HDAC9: variants seen among roughly 807,000 people sequenced by gnomAD.
HDAC9 encodes histone deacetylase 9, also known as MEF-2 interacting transcription repressor (MITR) protein.
In HDAC9, 41 loss-of-function variants were observed where a neutral mutation model predicts 139.4. That is an observed-to-expected ratio of 0.29 (90% CI 0.23 to 0.38). The LOEUF is 0.38. Among genes scored for constraint, HDAC9 ranks in the 10% least tolerant of loss-of-function variants. The probability of loss-of-function intolerance (pLI) is 1.00; values close to 1 mark genes in which losing one functional copy is unlikely to be tolerated. For missense variants in HDAC9, 1,147 were observed against 1,297.0 expected, an observed-to-expected ratio of 0.88 and a Z score of 1.78; for synonymous variants, 517 against 476.2, an observed-to-expected ratio of 1.09 and a Z score of -1.12.
At chr7:18,381,138 G>T (rs1475225913) in intron 1 of HDAC9, among the ~76,000 whole-genome samples, 1 of 127,618 alleles carries the variant, frequency 7.8e-6, no homozygotes, top group African/African-American at 3.0e-5. Context: ...GGCAGCGGTT[G>T]CAATGAGCTG....
chr7:18,598,291 G>T (rs1476948211), intron 6 of HDAC9, among the ~76,000 whole-genome samples: 2 of 152,096 alleles, frequency 1.3e-5, no homozygotes, highest in African/African-American at 4.8e-5. Context: ...ACGAACACTG[G>T]AGCATTTTTA....
At chr7:18,809,826 T>C (rs1794033385) in intron 17 of HDAC9, among the ~76,000 whole-genome samples, 3 of 151,876 alleles carry the variant, frequency 2.0e-5, no homozygotes. Context: ...CCACAAAATA[T>C]TAAAAATAGA....
intron 1 of HDAC9, among the ~76,000 whole-genome samples, chr7:18,291,313 C>T (rs1380270770): frequency 6.6e-6 from 1 of 152,100 alleles, no homozygotes; most frequent in Non-Finnish European, 1.5e-5. Flanking sequence ...GATATTAAGA[C>T]TGTAGTCTCT....
chr7:18,839,220 G>A (rs2129213591), intron 21 of HDAC9, among the ~76,000 whole-genome samples: 1 of 152,012 alleles, frequency 6.6e-6, no homozygotes, highest in East Asian at 1.9e-4. Context: ...TACATGCCAG[G>A]TCCTAGATTA....
intron 16 of HDAC9, among the ~76,000 whole-genome samples, chr7:18,783,563 G>C (rs1791433833): frequency 6.6e-6 from 1 of 152,004 alleles, no homozygotes; most frequent in Non-Finnish European, 1.5e-5. Flanking sequence ...AAGAGTTAGA[G>C]GACTTCTATT....
At chr7:18,121,359 G>A (rs913502276) in intron 1 of HDAC9, among the ~76,000 whole-genome samples, 7 of 151,860 alleles carry the variant, frequency 4.6e-5, no homozygotes, top group African/African-American at 7.3e-5. Flanking sequence ...ACAGGGTGTC[G>A]GGTTTTGTTC....
At chr7:18,231,976 G>T (rs413369) in intron 2 of HDAC9, among the ~76,000 whole-genome samples, 15,710 of 152,158 alleles carry the variant, frequency 0.1, 1,806 homozygotes, top group African/African-American at 0.28. Flanking sequence ...AGTTAACATT[G>T]TTGTAATATT....
Position 18,349,436 on chromosome 7 carries a change from A to AT in HDAC9, c.-42+58922dup, listed in dbSNP as rs555938429. Among the ~76,000 whole-genome samples, 16 of 151,822 alleles carry AT rather than the reference A, an allele frequency of 1.1e-4. 1 individual carries two copies. In the East Asian group the frequency reaches 3.1e-3, roughly 29 times the overall value. On this transcript the variant is annotated intron_variant, in intron 1 of 3. Transcript: ENST00000413509. The stretch of plus-strand genomic sequence containing the variant: ...TCAACAGCTAACATCTTAACATCTA[A>AT]TATAGTTTTCTTTATTTTTTCTTTC...
At chr7:18,346,456 C>A (rs969812535) in intron 1 of HDAC9, among the ~76,000 whole-genome samples, 1 of 151,974 alleles carries the variant, frequency 6.6e-6, no homozygotes, top group African/African-American at 2.4e-5. Flanking sequence ...ATGTCACAAC[C>A]GCTATTAACA....
intron 2 of HDAC9, among the ~76,000 whole-genome samples, chr7:18,541,464 T>C (rs552453588): frequency 1.2e-4 from 18 of 152,294 alleles, no homozygotes; most frequent in African/African-American, 3.4e-4. Context: ...ATGACTCTAA[T>C]TGGGGCTCAA....
chr7:18,257,057 C>A (rs1658809391), intron 2 of HDAC9, among the ~76,000 whole-genome samples: 1 of 151,868 alleles, frequency 6.6e-6, no homozygotes, highest in Non-Finnish European at 1.5e-5. Context: ...CCACTGCACA[C>A]CAGCCTGGGT....
intron 2 of HDAC9, among the ~76,000 whole-genome samples, chr7:18,166,768 A>G (rs956403486): frequency 1.3e-5 from 2 of 152,186 alleles, no homozygotes; most frequent in African/African-American, 2.4e-5. Flanking sequence ...ACTCCAGTGC[A>G]TTACCCACAG....
chr7:18,448,141 G>C (rs113112099), intron 1 of HDAC9, among the ~76,000 whole-genome samples: 1 of 152,032 alleles, frequency 6.6e-6, no homozygotes, highest in Non-Finnish European at 1.5e-5. Context: ...CTGAGATTAC[G>C]CGCGTGAGCC....
At chr7:18,863,141 T>C (rs1321536987) in intron 21 of HDAC9, among the ~76,000 whole-genome samples, 1 of 152,092 alleles carries the variant, frequency 6.6e-6, no homozygotes, top group Non-Finnish European at 1.5e-5. Flanking sequence ...ACAGTAGAAA[T>C]GGGAATGGCC....
At chr7:18,242,710 G>A (rs950543761) in intron 2 of HDAC9, among the ~76,000 whole-genome samples, 4 of 151,848 alleles carry the variant, frequency 2.6e-5, no homozygotes, top group Admixed American at 2.0e-4. Context: ...TCCCTTTTCT[G>A]CCTTCTACTT....
At chr7:18,376,902 A>G in intron 1 of HDAC9, among the ~76,000 whole-genome samples, 1 of 152,170 alleles carries the variant, frequency 6.6e-6, no homozygotes, top group Non-Finnish European at 1.5e-5. Context: ...CTTAGGTGCT[A>G]TACCATCCAG....
chr7:18,592,076 C>G (rs1255860921), intron 5 of HDAC9, among the ~76,000 whole-genome samples: 1 of 151,910 alleles, frequency 6.6e-6, no homozygotes, highest in African/African-American at 2.4e-5. Context: ...TTACACTTGA[C>G]TTGGTGTAAG....
intron 17 of HDAC9, among the ~76,000 whole-genome samples, chr7:18,805,828 A>AT (rs1793659921): frequency 1.3e-5 from 2 of 152,156 alleles, no homozygotes; most frequent in East Asian, 1.9e-4. Flanking sequence ...AGTCTTTATG[A>AT]TTTTTCCTTC....
intron 1 of HDAC9, among the ~76,000 whole-genome samples, chr7:18,336,183 T>C (rs1781569922): frequency 6.6e-6 from 1 of 151,712 alleles, no homozygotes; most frequent in African/African-American, 2.4e-5. Flanking sequence ...AGATAGAAAT[T>C]AATAGCACAT....
Sources: allele counts gnomAD v4.1 joint callset (sites outside exome capture counted in the v4.1 genomes callset), GRCh38; gene constraint gnomAD v4.1.1; transcripts MANE v1.5; gene names NCBI Gene and HGNC (gene_info 2026-07-23, HGNC 2026-07-21).